PIR: variants seen among roughly 807,000 people sequenced by gnomAD.
The protein encoded by PIR is pirin, also known as pirin (iron-binding nuclear protein).
A neutral mutation model predicts 24.2 loss-of-function variants in PIR; 22 were observed. That is an observed-to-expected ratio of 0.91 (90% CI 0.65 to 1.30). PIR has a LOEUF of 1.30. Among genes scored for constraint, PIR ranks in the 50% most tolerant of loss-of-function variants. The probability of loss-of-function intolerance (pLI) is 0.00; values close to 1 mark genes in which losing one functional copy is unlikely to be tolerated. For synonymous variants in PIR, 80 were observed against 79.6 expected (o/e 1.00, Z -0.03); for missense variants, 220 against 220.3 (o/e 1.00, Z 0.01).
chrX:15,407,855 CCAAA>C (rs746273316), intron 6 of PIR, among the ~76,000 whole-genome samples: 12 of 112,536 alleles, frequency 1.1e-4, no homozygotes, highest in Non-Finnish European at 1.9e-4. Flanking sequence ...AGCTGTATTA[CCAAA>C]CAAACTATTC....
chrX:15,488,278 C>CAAAA (rs1184870069), intron 2 of PIR, among the ~76,000 whole-genome samples: 9 of 31,897 alleles, frequency 2.8e-4, no homozygotes, highest in East Asian at 1.1e-3. Flanking sequence ...AACTCCGTCT[C>CAAAA]AAAAAAAAAA....
intron 3 of PIR, among the ~76,000 whole-genome samples, chrX:15,479,471 A>G (rs947910270): frequency 9.0e-6 from 1 of 111,125 alleles, no homozygotes; most frequent in African/African-American, 3.3e-5. Context: ...TCTATCCCCA[A>G]TGAATTATTT....
chrX:15,475,228 T>A (rs1922132988), intron 3 of PIR, among the ~76,000 whole-genome samples: 1 of 111,377 alleles, frequency 9.0e-6, no homozygotes, highest in Non-Finnish European at 1.9e-5. Flanking sequence ...GCAAACACTG[T>A]CGGCTACCAA....
At chrX:15,485,756 T>G (rs1479425459) in intron 2 of PIR, among the ~76,000 whole-genome samples, 1 of 112,554 alleles carries the variant, frequency 8.9e-6, no homozygotes, top group Admixed American at 9.4e-5. Context: ...AAGTGTTATT[T>G]GCAGTACTGG....
At chrX:15,462,359 C>T (rs1345347391) in intron 3 of PIR, among the ~76,000 whole-genome samples, 1 of 111,864 alleles carries the variant, frequency 8.9e-6, no homozygotes, top group Non-Finnish European at 1.9e-5. Context: ...TTGGATTCGA[C>T]ATCCATTTTG....
At chrX:15,425,411 CTTT>C (rs756160029) in intron 6 of PIR, among the ~76,000 whole-genome samples, 2 of 92,094 alleles carry the variant, frequency 2.2e-5, no homozygotes, top group South Asian at 4.8e-4. Flanking sequence ...TTCTTTCTTT[CTTT>C]TTTTTTTTTT....
chrX:15,400,103 G>A (rs1438235873), intron 7 of PIR, among the ~76,000 whole-genome samples: 1 of 111,901 alleles, frequency 8.9e-6, no homozygotes, highest in Non-Finnish European at 1.9e-5. Flanking sequence ...AAGCTAGCAA[G>A]AGCCAGCCCC....
At chrX:15,414,895 AGG>A (rs1924864030) in intron 6 of PIR, among the ~76,000 whole-genome samples, 1 of 112,221 alleles carries the variant, frequency 8.9e-6, no homozygotes, top group African/African-American at 3.2e-5. Flanking sequence ...TTCTTAGAAT[AGG>A]TTTTTAGTTT....
intron 3 of PIR, among the ~76,000 whole-genome samples, chrX:15,472,305 C>T (rs1921965548): frequency 1.8e-5 from 2 of 112,250 alleles, no homozygotes; most frequent in South Asian, 7.4e-4. Context: ...TTTCCCTTGT[C>T]ACCCGCTAAC....
rs759243730 is a variant in PIR, at chrX:15,397,415, T to C, written c.693+34A>G. On this transcript the variant is annotated intron_variant, in intron 8 of 9. Coordinates refer to ENST00000380420, the MANE Select transcript of PIR (RefSeq NM_001018109.3). ...TTCTTGGAAACCAGTAGAAAGTACA[T>C]GTTAAGAAAGTTAAAGGAAAATAAC... The C allele has an allele frequency of 1.6e-5, 16 of 991,303 alleles. No individual in the cohort carries two copies. In the Admixed American group the frequency reaches 2.2e-4, roughly 14 times the overall value. 81.7% of individuals were successfully genotyped at this position (991,303 alleles called of 1,213,427 possible).
intron 5 of PIR, among the ~76,000 whole-genome samples, chrX:15,455,603 T>C (rs1220836416): frequency 8.9e-6 from 1 of 112,590 alleles, no homozygotes; most frequent in Admixed American, 9.4e-5. Flanking sequence ...AGACATACTT[T>C]GAAAATTGCT....
At chrX:15,456,372 G>C (rs1253284917) in intron 4 of PIR, among the ~76,000 whole-genome samples, 1 of 112,096 alleles carries the variant, frequency 8.9e-6, no homozygotes, top group African/African-American at 3.2e-5. Context: ...AGTATACTGG[G>C]CTGTGTTCTC....
At chrX:15,458,247 A>T (rs1010110392) in intron 4 of PIR, among the ~76,000 whole-genome samples, 8 of 111,900 alleles carry the variant, frequency 7.1e-5, no homozygotes, top group Non-Finnish European at 1.3e-4. Context: ...TTCTCTTTCC[A>T]TCCTCATCAT....
intron 6 of PIR, among the ~76,000 whole-genome samples, chrX:15,416,279 C>T (rs1924913114): frequency 8.9e-6 from 1 of 111,830 alleles, no homozygotes; most frequent in African/African-American, 3.2e-5. Flanking sequence ...AAAAATTACT[C>T]ATGAATTAAA....
intron 2 of PIR, among the ~76,000 whole-genome samples, chrX:15,484,306 C>CTTTTTTTTTTTT (rs1193474348): frequency 1.5e-5 from 1 of 67,484 alleles, no homozygotes; most frequent in Admixed American, 2.1e-4. Context: ...TCTCAATTTT[C>CTTTTTTTTTTTT]TTTTTTTTTT....
intron 1 of PIR, among the ~76,000 whole-genome samples, chrX:15,491,657 A>G (rs991278982): frequency 1.8e-5 from 2 of 112,226 alleles, no homozygotes; most frequent in African/African-American, 6.5e-5. Flanking sequence ...GTATGACAGT[A>G]GTCCCATAAG....
At chrX:15,479,153 TA>T (rs1005816916) in intron 3 of PIR, among the ~76,000 whole-genome samples, 13 of 112,078 alleles carry the variant, frequency 1.2e-4, no homozygotes, top group African/African-American at 4.2e-4. Context: ...CTAGTAAATG[TA>T]TATGTATGTC....
At chrX:15,420,649 T>C (rs7051534) in intron 6 of PIR, among the ~76,000 whole-genome samples, 6 of 111,247 alleles carry the variant, frequency 5.4e-5, no homozygotes, top group Non-Finnish European at 1.1e-4. Flanking sequence ...AAATACATCA[T>C]AGTATGTATT....
At chrX:15,439,203 T>C (rs903790470) in intron 5 of PIR, among the ~76,000 whole-genome samples, 1 of 112,182 alleles carries the variant, frequency 8.9e-6, no homozygotes. Flanking sequence ...CACTGTCCAA[T>C]ACAGTTGCCA....
Sources: allele counts gnomAD v4.1 joint callset (sites outside exome capture counted in the v4.1 genomes callset), GRCh38; gene constraint gnomAD v4.1.1; transcripts MANE v1.5; gene names NCBI Gene and HGNC (gene_info 2026-07-23, HGNC 2026-07-21).